The following CACNA2D3 variants were observed in gnomAD, a reference collection of about 807,000 sequenced individuals.
The protein encoded by CACNA2D3 is voltage-dependent calcium channel subunit alpha-2/delta-3.
A neutral mutation model predicts 160.6 loss-of-function variants in CACNA2D3; 60 were observed. The ratio of observed to expected loss-of-function variants is 0.37; its 90% confidence interval spans 0.30 to 0.46. The LOEUF is 0.46. Among genes scored for constraint, CACNA2D3 ranks in the 20% least tolerant of loss-of-function variants. CACNA2D3 has a pLI of 1.00. For missense variants in CACNA2D3, 1,205 were observed against 1,365.0 expected (o/e 0.88, Z 1.85); for synonymous variants, 558 against 492.9 (o/e 1.13, Z -1.75).
Position 54,475,809 on chromosome 3 carries a change from T to TTGTGTGTGTGTGTGTGTGTGTGTGTG in CACNA2D3, c.382-27680_382-27655dup, listed in dbSNP as rs3030044. Among the ~76,000 whole-genome samples the TTGTGTGTGTGTGTGTGTGTGTGTGTG allele has an allele frequency of 6.7e-3, 959 of 142,802 alleles. 2 individuals are homozygous for TTGTGTGTGTGTGTGTGTGTGTGTGTG. Among genetic ancestry groups the TTGTGTGTGTGTGTGTGTGTGTGTGTG allele is most frequent in the Non-Finnish European group, 9.8e-3 (648 of 65,860 alleles). 93.7% of individuals were successfully genotyped at this position (142,802 alleles called of 152,430 possible). A position where few individuals can be genotyped will look rare whatever the true frequency, so the allele number is the denominator to read the frequency against. ...ATCCATCTTCTCACATGGTTACCAT[T>TTGTGTGTGTGTGTGTGTGTGTGTGTG]TGTGTGTGTGTGTGTGTGTGTGTGT... On this transcript the variant is annotated intron_variant, in intron 4 of 37. Coordinates refer to ENST00000474759, the MANE Select transcript of CACNA2D3 (RefSeq NM_018398.3).
chr3:54,619,277 C>T (rs767889960), intron 9 of CACNA2D3, among the ~76,000 whole-genome samples: 2 of 152,200 alleles, frequency 1.3e-5, no homozygotes, highest in Non-Finnish European at 2.9e-5. Context: ...TGGTAATCAT[C>T]ATGTCCCTCC....
rs1701509138 is a variant in CACNA2D3, at chr3:54,736,071, ATACATATATATGTATGTG to A, written c.1168-16525_1168-16508del. Among the ~76,000 whole-genome samples the A allele has an allele frequency of 5.8e-4, 15 of 25,850 alleles. 3 individuals carry two copies. Among genetic ancestry groups the A allele is most frequent in the Non-Finnish European group, 1.4e-3 (11 of 7,892 alleles). 17.0% of individuals were successfully genotyped at this position (25,850 alleles called of 152,430 possible). ...CACATACATATGTATGTATATATATATACATATATATGTATGTGTATATATATACATATATATGTATAT... is the reference window on the plus strand; with the variant it reads ...CACATACATATGTATGTATATATATATATATATATACATATATATGTATAT... On this transcript the variant is annotated intron_variant, in intron 11 of 37. Transcript: ENST00000474759.
chr3:54,268,794 G>A (rs892467894), intron 2 of CACNA2D3, among the ~76,000 whole-genome samples: 8 of 152,246 alleles, frequency 5.3e-5, no homozygotes, highest in South Asian at 2.1e-4. Flanking sequence ...TGGCAGAGCC[G>A]GGACTTGAAC....
At chr3:54,151,847 T>G (rs1700157402) in intron 2 of CACNA2D3, among the ~76,000 whole-genome samples, 1 of 152,170 alleles carries the variant, frequency 6.6e-6, no homozygotes, top group Non-Finnish European at 1.5e-5. Context: ...TATCTCCCCC[T>G]GCCCCCAGGG....
intron 2 of CACNA2D3, among the ~76,000 whole-genome samples, chr3:54,151,867 GT>G (rs973172011): frequency 2.6e-5 from 4 of 152,142 alleles, no homozygotes; most frequent in Admixed American, 6.5e-5. Context: ...GAGAAACCCT[GT>G]TTTCTCAGCC....
chr3:54,782,285 A>G (rs1330851936), intron 13 of CACNA2D3, among the ~76,000 whole-genome samples: 3 of 152,244 alleles, frequency 2.0e-5, no homozygotes. Context: ...TCCATAGCAT[A>G]TAACAATGCT....
At chr3:54,288,342 C>T (rs529677992) in intron 2 of CACNA2D3, among the ~76,000 whole-genome samples, 506 of 152,184 alleles carry the variant, frequency 3.3e-3, no homozygotes, top group Non-Finnish European at 5.7e-3. Flanking sequence ...ATAAATTCCT[C>T]GACACATACA....
chr3:54,661,205 C>T (rs1699963827), intron 11 of CACNA2D3, among the ~76,000 whole-genome samples: 2 of 152,296 alleles, frequency 1.3e-5, no homozygotes, highest in South Asian at 2.1e-4. Context: ...GGCTGGGGGA[C>T]AAGTGTCTAG....
chr3:54,664,310 C>G (rs1700025363), intron 11 of CACNA2D3, among the ~76,000 whole-genome samples: 1 of 152,200 alleles, frequency 6.6e-6, no homozygotes, highest in Non-Finnish European at 1.5e-5. Flanking sequence ...CCACCCGTTT[C>G]CCCAAGGTCT....
chr3:54,243,072 T>G (rs1474446865), intron 2 of CACNA2D3, among the ~76,000 whole-genome samples: 1 of 152,234 alleles, frequency 6.6e-6, no homozygotes, highest in Non-Finnish European at 1.5e-5. Context: ...TTAGCCTCAA[T>G]TGCAATTTCA....
chr3:54,981,552 GGA>G (rs1270107122), intron 29 of CACNA2D3, among the ~76,000 whole-genome samples: 3 of 152,060 alleles, frequency 2.0e-5, no homozygotes, highest in Non-Finnish European at 4.4e-5. Flanking sequence ...GGGGGGCTGG[GGA>G]GAGAGAGAAA....
chr3:54,403,136 A>G (rs1410457775), intron 4 of CACNA2D3, among the ~76,000 whole-genome samples: 2 of 152,090 alleles, frequency 1.3e-5, no homozygotes, highest in Non-Finnish European at 2.9e-5. Flanking sequence ...GGAGATGGAC[A>G]GATCACTTGA....
chr3:54,704,969 G>C (rs912770385), intron 11 of CACNA2D3, among the ~76,000 whole-genome samples: 1 of 152,008 alleles, frequency 6.6e-6, no homozygotes, highest in Admixed American at 6.6e-5. Flanking sequence ...TTCCTGGGGG[G>C]CTTTCTGCAT....
chr3:54,890,411 G>A (rs951756128), intron 24 of CACNA2D3, among the ~76,000 whole-genome samples: 6 of 149,450 alleles, frequency 4.0e-5, no homozygotes, highest in Non-Finnish European at 3.0e-5. Context: ...CAGGAGAACG[G>A]CATGAACCCG....
At chr3:55,030,739 AG>A (rs1703669167) in intron 35 of CACNA2D3, among the ~76,000 whole-genome samples, 1 of 152,142 alleles carries the variant, frequency 6.6e-6, no homozygotes, top group Admixed American at 6.5e-5. Flanking sequence ...CAGAGGAAAA[AG>A]TACCCTATTT....
chr3:54,555,172 A>G (rs1183524376), intron 5 of CACNA2D3, among the ~76,000 whole-genome samples: 1 of 152,166 alleles, frequency 6.6e-6, no homozygotes, highest in Non-Finnish European at 1.5e-5. Flanking sequence ...CAGTGTGCCC[A>G]GCCAAGACCT....
chr3:54,416,977 G>A (rs1699764088), intron 4 of CACNA2D3, among the ~76,000 whole-genome samples: 1 of 152,150 alleles, frequency 6.6e-6, no homozygotes, highest in Non-Finnish European at 1.5e-5. Flanking sequence ...CGTCTCCACA[G>A]TCCCATACTC....
intron 11 of CACNA2D3, among the ~76,000 whole-genome samples, chr3:54,751,460 GT>G (rs139029732): frequency 1.3e-5 from 2 of 151,676 alleles, no homozygotes; most frequent in Admixed American, 6.6e-5. Flanking sequence ...CGTTTTTTGT[GT>G]TTTTTTTAAT....
intron 11 of CACNA2D3, among the ~76,000 whole-genome samples, chr3:54,705,623 G>A (rs921253913): frequency 6.6e-6 from 1 of 152,120 alleles, no homozygotes; most frequent in Non-Finnish European, 1.5e-5. Context: ...GAGTATTTTA[G>A]CACAGGATTG....
Sources: gnomAD v4.1 joint callset for allele counts (sites outside exome capture counted in the v4.1 genomes callset) on GRCh38, gnomAD v4.1.1 for gene constraint, MANE v1.5 for transcripts, NCBI Gene and HGNC (gene_info 2026-07-23, HGNC 2026-07-21) for gene names.